RARB: variants seen among roughly 807,000 people sequenced by gnomAD.
RARB encodes the protein HBV-activated protein.
A neutral mutation model predicts 51.9 loss-of-function variants in RARB; 17 were observed. That is an observed-to-expected ratio of 0.33 (90% CI 0.22 to 0.49). RARB has a LOEUF of 0.49. Among genes scored for constraint, RARB ranks in the 20% least tolerant of loss-of-function variants. RARB has a pLI of 0.99. For missense variants in RARB, 369 were observed against 550.8 expected (o/e 0.67, Z 3.30); for synonymous variants, 215 against 195.4 (o/e 1.10, Z -0.84).
At chr3:25,134,578 G>A (rs190276172) in intron 4 of RARB, among the ~76,000 whole-genome samples, 13 of 152,068 alleles carry the variant, frequency 8.5e-5, no homozygotes, top group South Asian at 2.1e-4. Flanking sequence ...GGATGATAAC[G>A]TGATACTATC....
intron 3 of RARB, among the ~76,000 whole-genome samples, chr3:25,530,399 C>T (rs1054105313): frequency 1.3e-5 from 2 of 152,190 alleles, no homozygotes; most frequent in African/African-American, 4.8e-5. Flanking sequence ...AGTTTACTAT[C>T]TTGTAGTTCT....
chr3:25,251,915 T>G (rs566925603), intron 5 of RARB, among the ~76,000 whole-genome samples: 1 of 152,328 alleles, frequency 6.6e-6, no homozygotes, highest in Non-Finnish European at 1.5e-5. Flanking sequence ...TGGTGCCATA[T>G]TTAGGAAATC....
intron 5 of RARB, among the ~76,000 whole-genome samples, chr3:25,390,586 T>C (rs1473457335): frequency 2.0e-5 from 3 of 146,684 alleles, no homozygotes; most frequent in African/African-American, 7.4e-5. Context: ...TTTTTTTCTC[T>C]TCAAAAAATA....
intron 5 of RARB, among the ~76,000 whole-genome samples, chr3:25,327,098 T>C (rs1331021268): frequency 6.6e-6 from 1 of 152,076 alleles, no homozygotes; most frequent in East Asian, 1.9e-4. Context: ...TGTTTCGTTT[T>C]TAGACACAGG....
intron 3 of RARB, among the ~76,000 whole-genome samples, chr3:25,073,533 C>T (rs937953116): frequency 2.0e-5 from 3 of 152,120 alleles, no homozygotes; most frequent in Non-Finnish European, 4.4e-5. Context: ...TTTCTCAGAA[C>T]CTTAAATGTG....
At chr3:25,422,320 A>C (rs930657917) in intron 5 of RARB, among the ~76,000 whole-genome samples, 12 of 152,320 alleles carry the variant, frequency 7.9e-5, no homozygotes, top group South Asian at 6.2e-4. Context: ...GCACTCTGTC[A>C]ACTAAGTGGC....
intron 1 of RARB, among the ~76,000 whole-genome samples, chr3:25,443,736 A>G (rs1281349353): frequency 6.6e-6 from 1 of 152,088 alleles, no homozygotes; most frequent in Non-Finnish European, 1.5e-5. Flanking sequence ...GTTCAAGACC[A>G]GCCTGGCCAA....
At chr3:25,532,674 G>C (rs994571607) in intron 3 of RARB, among the ~76,000 whole-genome samples, 2 of 152,178 alleles carry the variant, frequency 1.3e-5, no homozygotes, top group Non-Finnish European at 2.9e-5. Flanking sequence ...CCAGGAAGAG[G>C]AGCTAAATAT....
At chr3:25,076,078 A>T (rs534945419) in intron 3 of RARB, among the ~76,000 whole-genome samples, 9 of 152,282 alleles carry the variant, frequency 5.9e-5, no homozygotes, top group African/African-American at 2.2e-4. Context: ...CTGTTCAAAG[A>T]TTTCAGCTGT....
At chr3:25,256,539 C>G (rs1191554854) in intron 5 of RARB, among the ~76,000 whole-genome samples, 1 of 152,046 alleles carries the variant, frequency 6.6e-6, no homozygotes, top group Non-Finnish European at 1.5e-5. Flanking sequence ...TTTAAAAATT[C>G]TTATGAAAAC....
chr3:25,270,892 C>T (rs989259892), intron 5 of RARB, among the ~76,000 whole-genome samples: 2 of 152,162 alleles, frequency 1.3e-5, no homozygotes, highest in African/African-American at 2.4e-5. Context: ...ATACTTTCGC[C>T]CCAATCTAAT....
chr3:25,458,568 TCAGATACC>T (rs1695024115), intron 1 of RARB, among the ~76,000 whole-genome samples: 2 of 152,318 alleles, frequency 1.3e-5, no homozygotes, highest in Admixed American at 1.3e-4. Context: ...TAGTGACATC[TCAGATACC>T]AGCCCTTCTA....
chr3:24,878,532 C>T (rs555084609), intron 2 of RARB, among the ~76,000 whole-genome samples: 1 of 152,068 alleles, frequency 6.6e-6, no homozygotes, highest in African/African-American at 2.4e-5. Flanking sequence ...TACTCTAAAG[C>T]AGGACTCTCA....
chr3:25,260,384 A>T (rs1171642533), intron 5 of RARB, among the ~76,000 whole-genome samples: 2 of 152,150 alleles, frequency 1.3e-5, no homozygotes, highest in Non-Finnish European at 1.5e-5. Context: ...TTAGCCTACC[A>T]TGCATACAAA....
rs1047255048 is a variant in RARB, at chr3:25,303,515, C to T, written c.178+128940C>T. Among the ~76,000 whole-genome samples the T allele has an allele frequency of 2.0e-5, 3 of 152,174 alleles. No homozygotes were observed. In the South Asian group the frequency reaches 6.2e-4, roughly 32 times the overall value. ...CCGACTGAGTGCCAAAATGAAGACC[C>T]GTGTCCCCTCTGACGTTAGCTGAAT... On this transcript the variant is annotated intron_variant, in intron 5 of 11. Transcript: ENST00000383772.
At chr3:24,903,447 C>A (rs901790003) in intron 2 of RARB, among the ~76,000 whole-genome samples, 5 of 152,036 alleles carry the variant, frequency 3.3e-5, no homozygotes, top group Admixed American at 1.3e-4. Flanking sequence ...AAAGTTCTTT[C>A]TTTATATATT....
intron 3 of RARB, among the ~76,000 whole-genome samples, chr3:25,535,389 T>A (rs568517592): frequency 6.6e-6 from 1 of 151,368 alleles, no homozygotes; most frequent in Non-Finnish European, 1.5e-5. Context: ...AATAACCTCT[T>A]CATGTCTCTG....
At chr3:25,272,308 A>G (rs1212922222) in intron 5 of RARB, among the ~76,000 whole-genome samples, 1 of 152,200 alleles carries the variant, frequency 6.6e-6, no homozygotes, top group Non-Finnish European at 1.5e-5. Context: ...GCTGGTAGAT[A>G]TGCCATGATC....
intron 5 of RARB, among the ~76,000 whole-genome samples, chr3:25,207,001 C>A (rs1040621305): frequency 6.6e-6 from 1 of 152,160 alleles, no homozygotes; most frequent in Non-Finnish European, 1.5e-5. Flanking sequence ...CTGCTTTTTC[C>A]ATGGTTATTT....
Sources: allele counts gnomAD v4.1 joint callset (sites outside exome capture counted in the v4.1 genomes callset), GRCh38; gene constraint gnomAD v4.1.1; transcripts MANE v1.5; gene names NCBI Gene and HGNC (gene_info 2026-07-23, HGNC 2026-07-21).